The following ITPR3 variants were observed in gnomAD, a reference collection of about 807,000 sequenced individuals.
ITPR3 encodes inositol 1,4,5-trisphosphate-gated calcium channel ITPR3.
ITPR3 carries 173 observed loss-of-function variants against 293.2 expected under a neutral mutation model. The ratio of observed to expected loss-of-function variants is 0.59; its 90% confidence interval spans 0.52 to 0.67. The LOEUF (loss-of-function observed/expected upper bound fraction) is 0.67, where lower values mean the gene tolerates loss of function less well. ITPR3 is among the 30% of genes least tolerant of loss of function. ITPR3 has a pLI of 0.00. For synonymous variants in ITPR3, 1,295 were observed against 1,444.4 expected (o/e 0.90, Z 2.35); for missense variants, 2,796 against 3,592.1 (o/e 0.78, Z 5.66).
intron 2 of ITPR3, among the ~76,000 whole-genome samples, chr6:33,652,930 C>T (rs534186119): frequency 7.2e-5 from 11 of 151,998 alleles, no homozygotes; most frequent in Non-Finnish European, 1.5e-4. Context: ...AGTTTTTAGA[C>T]AGGGTCTTGC....
intron 46 of ITPR3, 37 bp from the exon 47 acceptor site, chr6:33,688,020 G>A (rs1410816952): frequency 1.1e-5 from 17 of 1,549,934 alleles, no homozygotes; most frequent in Non-Finnish European, 1.5e-5. Context: ...TGGATGTGGA[G>A]GCTGGGGCCT....
intron 2 of ITPR3, among the ~76,000 whole-genome samples, chr6:33,643,317 G>A (rs989187925): frequency 1.3e-5 from 2 of 152,160 alleles, no homozygotes; most frequent in African/African-American, 4.8e-5. Flanking sequence ...GCTGACCCTG[G>A]AGGCTGGACT....
intron 2 of ITPR3, among the ~76,000 whole-genome samples, chr6:33,642,540 T>C (rs1763974708): frequency 6.6e-6 from 1 of 151,968 alleles, no homozygotes. Context: ...GAGGTGGGTG[T>C]GACCGAGGAA....
intron 56 of ITPR3, chr6:33,694,454 G>A (rs950529813): frequency 1.0e-4 from 20 of 198,988 alleles, no homozygotes; most frequent in Non-Finnish European, 1.4e-4. Context: ...TCCCAGACAC[G>A]TGTCAGATGC....
At chr6:33,659,445 G>T (rs1764399695) in intron 6 of ITPR3, 21 bp from the exon 7 acceptor site, 1 of 1,611,608 alleles carries the variant, frequency 6.2e-7, no homozygotes, top group Admixed American at 1.7e-5. Context: ...TGGCGTCACG[G>T]GTCTTGTCAC....
chr6:33,684,543 AGT>A lies in ITPR3; in HGVS notation c.5047-53_5047-52del. The stretch of plus-strand genomic sequence containing the variant: ...GGCTCAGGGTCAAGCCCGTCAGGCC[AGT>A]GGTCAGTGGTGGGCTGTACCCACAA... On this transcript the variant is annotated intron_variant, in intron 37 of 57. Coordinates refer to ENST00000605930, the MANE Select transcript of ITPR3 (RefSeq NM_002224.4). This position sits in a 1 kb window ranked among gnomAD's most constrained non-coding sequence, Gnocchi z 4.2. The A allele has an allele frequency of 1.2e-6, 2 of 1,606,270 alleles. No individual in the cohort carries two copies. Among genetic ancestry groups the A allele is most frequent in the Non-Finnish European group, 1.7e-6 (2 of 1,172,968 alleles).
chr6:33,677,743 T>TA lies in ITPR3; in HGVS notation c.3648+115dup, dbSNP rs904889528. On this transcript the variant is annotated intron_variant, in intron 28 of 57. Transcript: ENST00000605930. ...CCTCTCCCAGCCTCGCCTGGCCTCTTACACTGCCCTGTTTGTTTGCAGGCA... is the reference window on the plus strand; with the variant it reads ...CCTCTCCCAGCCTCGCCTGGCCTCTTAACACTGCCCTGTTTGTTTGCAGGCA... The TA allele has an allele frequency of 2.2e-5, 28 of 1,267,260 alleles. No individual in the cohort carries two copies. In the African/African-American group the frequency reaches 3.9e-4, roughly 18 times the overall value. 78.5% of individuals were successfully genotyped at this position (1,267,260 alleles called of 1,614,324 possible).
In ITPR3 at chr6:33,682,999, A is replaced by G. The variant is rs545556219; in HGVS notation, c.4598-208A>G. On this transcript the variant is annotated intron_variant, in intron 34 of 57. Coordinates refer to ENST00000605930, the MANE Select transcript of ITPR3 (RefSeq NM_002224.4). The surrounding 1 kb of genome is among the most constrained non-coding windows in gnomAD (Gnocchi z 5.4). ...GGGAAGTCAGGGTAGAGCCGGGGGGAATCAAAGAGGCAGAAACTCCTTTTA... is the reference window on the plus strand; with the variant it reads ...GGGAAGTCAGGGTAGAGCCGGGGGGGATCAAAGAGGCAGAAACTCCTTTTA... Among the ~76,000 whole-genome samples, 162 of 151,756 alleles carry G rather than the reference A, an allele frequency of 1.1e-3. No individual in the cohort carries two copies. Among genetic ancestry groups the G allele is most frequent in the Middle Eastern group, 0.01 (3 of 292 alleles).
intron 2 of ITPR3, among the ~76,000 whole-genome samples, chr6:33,650,520 G>C (rs1764162019): frequency 6.6e-6 from 1 of 152,202 alleles, no homozygotes; most frequent in Admixed American, 6.5e-5. Flanking sequence ...CACAGGCTCT[G>C]ACCCGCTAGT....
Position 33,644,756 on chromosome 6 carries a change from C to T in ITPR3, c.160+4202C>T, listed in dbSNP as rs1205037632. On this transcript the variant is annotated intron_variant, in intron 2 of 57. Coordinates refer to ENST00000605930, the MANE Select transcript of ITPR3 (RefSeq NM_002224.4). ...AAGGCTCACTGCAACCTCTCCCTCC[C>T]GGGTTCAAGTGTTTCTCCCACCTCA... 1.7e-4 allele frequency among the ~76,000 whole-genome samples: 26 copies of T among 151,390 alleles called. 1 individual carries two copies. The highest frequency in any genetic ancestry group is 1.4e-3 in the Admixed American group (22 of 15,232).
At chr6:33,674,771 G>A (rs1764863163) in intron 24 of ITPR3, among the ~76,000 whole-genome samples, 1 of 152,216 alleles carries the variant, frequency 6.6e-6, no homozygotes, top group Non-Finnish European at 1.5e-5. Flanking sequence ...GGCTTGGAGC[G>A]AGTTATCAAA....
rs534408696 is a variant in ITPR3 at position 33,666,421 on chromosome 6, C to T, written c.1551+445C>T. Among the ~76,000 whole-genome samples, 44 of 152,238 alleles carry T rather than the reference C, an allele frequency of 2.9e-4. No individual in the cohort carries two copies. Among genetic ancestry groups the T allele is most frequent in the African/African-American group, 9.2e-4 (38 of 41,508 alleles). On this transcript the variant is annotated intron_variant, in intron 14 of 57. Transcript: ENST00000605930. This position sits in a 1 kb window ranked among gnomAD's most constrained non-coding sequence, Gnocchi z 5.1. ...CTTTATGTAGCTCGGTTCACACATC[C>T]GTCTTTCCATCCACACATTGCAAAA...
In ITPR3 at chr6:33,675,969, T is replaced by C. The variant is rs77745713; in HGVS notation, c.3282+113T>C. On this transcript the variant is annotated intron_variant, in intron 25 of 57. Coordinates refer to ENST00000605930, the MANE Select transcript of ITPR3 (RefSeq NM_002224.4). The surrounding 1 kb of genome is among the most constrained non-coding windows in gnomAD (Gnocchi z 5.0). ...TCAAGGGGTAACTTGGGATGCCCATTTGGGGTTTTCAGCCTTGCTGAGTTC... is the reference window on the plus strand; with the variant it reads ...TCAAGGGGTAACTTGGGATGCCCATCTGGGGTTTTCAGCCTTGCTGAGTTC... The C allele has an allele frequency of 0.013, 17,128 of 1,304,168 alleles. 139 individuals are homozygous for C. The highest frequency in any genetic ancestry group is 0.023 in the East Asian group (865 of 37,694). 80.8% of individuals were successfully genotyped at this position (1,304,168 alleles called of 1,614,324 possible).
chr6:33,678,037 C>T (rs1372428063), intron 28 of ITPR3, among the ~76,000 whole-genome samples: 2 of 152,128 alleles, frequency 1.3e-5, no homozygotes, highest in Non-Finnish European at 2.9e-5. Flanking sequence ...TGTCCTGACC[C>T]CTGGTTTTGA....
chr6:33,637,850 T>C (rs896439282), intron 1 of ITPR3, among the ~76,000 whole-genome samples: 1 of 151,406 alleles, frequency 6.6e-6, no homozygotes, highest in Non-Finnish European at 1.5e-5. Context: ...AGATTCGCCA[T>C]GTTGGCCAGG....
At chr6:33,673,077 C>G (rs1347204497) in intron 22 of ITPR3, among the ~76,000 whole-genome samples, 1 of 152,172 alleles carries the variant, frequency 6.6e-6, no homozygotes, top group Non-Finnish European at 1.5e-5. Flanking sequence ...GCCAAAGGCT[C>G]AGTGCCCCAT....
rs1764626525 is a variant in ITPR3 at position 33,667,003 on chromosome 6, G to T, written c.1552-126G>T. ...GGGGTTGTGGTCCAGCTTAGAATCAGCTCGAAGCTGATGTCCGGGCTGGCT... is the reference window on the plus strand; with the variant it reads ...GGGGTTGTGGTCCAGCTTAGAATCATCTCGAAGCTGATGTCCGGGCTGGCT... On this transcript the variant is annotated intron_variant, in intron 14 of 57. Coordinates refer to ENST00000605930, the MANE Select transcript of ITPR3 (RefSeq NM_002224.4). This position sits in a 1 kb window ranked among gnomAD's most constrained non-coding sequence, Gnocchi z 4.4. 8.8e-7 allele frequency: 1 copy of T among 1,136,264 alleles called. No homozygotes were observed. The highest frequency in any genetic ancestry group is 1.6e-5 in the African/African-American group (1 of 64,386). The allele number at this position is 1,136,264 out of a possible 1,614,324, so 70.4% of individuals were successfully genotyped here.
chr6:33,632,770 G>A lies in ITPR3; in HGVS notation c.90-7714G>A, dbSNP rs983931969. Among the ~76,000 whole-genome samples, 9 of 152,226 alleles carry A rather than the reference G, an allele frequency of 5.9e-5. No homozygotes were observed. Among genetic ancestry groups the A allele is most frequent in the African/African-American group, 2.2e-4 (9 of 41,446 alleles). On this transcript the variant is annotated intron_variant, in intron 1 of 57. Coordinates refer to ENST00000605930, the MANE Select transcript of ITPR3 (RefSeq NM_002224.4). The surrounding 1 kb of genome is among the most constrained non-coding windows in gnomAD (Gnocchi z 4.1). ...CACTGCAGGGACTGTTGTCCTCTGGGCTCCTGAGCCTCTGCTGGGCTGGTC... is the reference window on the plus strand; with the variant it reads ...CACTGCAGGGACTGTTGTCCTCTGGACTCCTGAGCCTCTGCTGGGCTGGTC...
rs534468773 is a variant in ITPR3 at position 33,666,004 on chromosome 6, G to T, written c.1551+28G>T. On this transcript the variant is annotated intron_variant, in intron 14 of 57. Coordinates refer to ENST00000605930, the MANE Select transcript of ITPR3 (RefSeq NM_002224.4). The surrounding 1 kb of genome is among the most constrained non-coding windows in gnomAD (Gnocchi z 5.1). ...GCGTGTGCACCCATGAGGGGACGCA[G>T]AGGGGCCGGGTGCCCGGGAGAGGGA... 2 of 1,564,100 alleles carry T rather than the reference G, an allele frequency of 1.3e-6. No individual in the cohort carries two copies. The highest frequency in any genetic ancestry group is 2.7e-5 in the African/African-American group (2 of 73,640).
Sources: gnomAD v4.1 joint callset for allele counts (sites outside exome capture counted in the v4.1 genomes callset) on GRCh38, gnomAD v4.1.1 for gene constraint, Gnocchi (gnomAD v3.1) non-coding constraint, MANE v1.5 for transcripts, NCBI Gene and HGNC (gene_info 2026-07-23, HGNC 2026-07-21) for gene names.